Variants in RHOBTB1 observed in about 807,000 individuals in gnomAD.
RHOBTB1 encodes the protein Rho related BTB domain containing 1.
RHOBTB1 carries 40 observed loss-of-function variants against 71.6 expected under a neutral mutation model. The observed-to-expected ratio is 0.56, with a 90% CI of 0.43 to 0.73. RHOBTB1 has a LOEUF of 0.73. Ranked by LOEUF, RHOBTB1 falls within the 30% of genes least tolerant of loss-of-function variation. The pLI is 0.00. For missense variants in RHOBTB1, 797 were observed against 894.0 expected (o/e 0.89, Z 1.38); for synonymous variants, 319 against 334.9 (o/e 0.95, Z 0.52).
intron 7 of RHOBTB1, among the ~76,000 whole-genome samples, chr10:60,881,732 TCTAA>T (rs1317595362): frequency 1.3e-5 from 2 of 152,210 alleles, no homozygotes; most frequent in East Asian, 3.8e-4. Context: ...AAGAGTGTGT[TCTAA>T]GTCATTGCTT....
chr10:60,865,470 G>A (rs998466042), downstream of RHOBTB1, among the ~76,000 whole-genome samples: 1 of 152,152 alleles, frequency 6.6e-6, no homozygotes, highest in Non-Finnish European at 1.5e-5. Context: ...AGAAAAACAG[G>A]CATCTTAGTA....
chr10:60,956,266 C>T (rs1371717716), intron 2 of RHOBTB1, among the ~76,000 whole-genome samples: 1 of 151,964 alleles, frequency 6.6e-6, no homozygotes, highest in African/African-American at 2.4e-5. Context: ...GAATAAAAGA[C>T]TAAAAAAATG....
chr10:60,935,532 G>C (rs1385364066), intron 2 of RHOBTB1, among the ~76,000 whole-genome samples: 1 of 152,016 alleles, frequency 6.6e-6, no homozygotes, highest in East Asian at 1.9e-4. Flanking sequence ...CTAAAACTGT[G>C]GGCTCTAAGT....
chr10:60,988,478 C>G (rs1312806923), intron 1 of RHOBTB1, among the ~76,000 whole-genome samples: 1 of 151,604 alleles, frequency 6.6e-6, no homozygotes, highest in Non-Finnish European at 1.5e-5. Context: ...TCTAGTAGTC[C>G]CCAGTGTCTG....
intron 7 of RHOBTB1, among the ~76,000 whole-genome samples, chr10:60,879,894 A>C (rs2081236365): frequency 6.6e-6 from 1 of 152,150 alleles, no homozygotes; most frequent in African/African-American, 2.4e-5. Flanking sequence ...ACTGTAGATC[A>C]AAAATATTTG....
At chr10:60,980,754 T>C (rs1359143781) in intron 2 of RHOBTB1, among the ~76,000 whole-genome samples, 1 of 152,206 alleles carries the variant, frequency 6.6e-6, no homozygotes, top group East Asian at 1.9e-4. Context: ...TTCTACTCAA[T>C]CTTTCTGGCA....
downstream of RHOBTB1, among the ~76,000 whole-genome samples, chr10:60,864,827 A>T (rs1021251783): frequency 6.6e-6 from 1 of 152,048 alleles, no homozygotes; most frequent in Non-Finnish European, 1.5e-5. Context: ...CATAGCTAGG[A>T]TTACATGTGC....
At chr10:60,928,971 T>C (rs1589337096) in intron 2 of RHOBTB1, among the ~76,000 whole-genome samples, 1 of 152,132 alleles carries the variant, frequency 6.6e-6, no homozygotes, top group African/African-American at 2.4e-5. Flanking sequence ...CTTAAAATCA[T>C]GGTGGAGGGT....
Position 60,928,598 on chromosome 10 carries a change from A to G in RHOBTB1, c.-11+13206T>C, listed in dbSNP as rs533480909. Among the ~76,000 whole-genome samples the G allele has an allele frequency of 2.0e-5, 3 of 152,184 alleles. No homozygotes were observed. In the East Asian group the frequency reaches 5.8e-4, roughly 29 times the overall value. On this transcript the variant is annotated intron_variant, in intron 2 of 10. Coordinates refer to ENST00000337910, the MANE Select transcript of RHOBTB1 (RefSeq NM_014836.5). ...TGAGCTCATGGAAGTAGAGAATATA[A>G]TAGAATGGTGGTTAGCAGAGGCTGG...
At chr10:60,926,039 G>A (rs949887211) in intron 2 of RHOBTB1, among the ~76,000 whole-genome samples, 8 of 151,902 alleles carry the variant, frequency 5.3e-5, no homozygotes, top group African/African-American at 1.5e-4. Context: ...AAGACCAGCC[G>A]GACCAACATG....
rs1363219044 is a variant in RHOBTB1 at position 60,973,454 on chromosome 10, GT to G, written c.-62+12390del. Among the ~76,000 whole-genome samples the G allele has an allele frequency of 7.9e-5, 12 of 151,990 alleles. No homozygotes were observed. The South Asian group carries it at 2.3e-3, about 29-fold the overall frequency. ...AGCCTTCTTAACAGCCTTCTTTTTT[GT>G]TGTTGTTTTTAATTAGCACTTCATT... On this transcript the variant is annotated intron_variant, in intron 2 of 11. Transcript: ENST00000357917.
At chr10:60,929,087 G>A (rs571469872) in intron 2 of RHOBTB1, among the ~76,000 whole-genome samples, 2 of 152,112 alleles carry the variant, frequency 1.3e-5, no homozygotes, top group Non-Finnish European at 2.9e-5. Flanking sequence ...TCCAATATGA[G>A]AATAGCAAGG....
At chr10:60,866,234 G>A (rs1430396597), downstream of RHOBTB1, among the ~76,000 whole-genome samples, 1 of 152,210 alleles carries the variant, frequency 6.6e-6, no homozygotes, top group African/African-American at 2.4e-5. Flanking sequence ...GTGGAATGGA[G>A]GAACCACAAG....
At chr10:60,958,073 C>T (rs1022046119) in intron 2 of RHOBTB1, among the ~76,000 whole-genome samples, 1 of 152,070 alleles carries the variant, frequency 6.6e-6, no homozygotes, top group East Asian at 1.9e-4. Flanking sequence ...ATTGGGTCCT[C>T]GGGACATGTG....
the RHOBTB1 span, among the ~76,000 whole-genome samples, chr10:60,863,401 G>A: frequency 1.3e-5 from 2 of 151,638 alleles, no homozygotes; most frequent in Non-Finnish European, 1.5e-5. Flanking sequence ...TTTTTCATCC[G>A]TATTTATTTT....
chr10:60,881,796 G>C (rs781156694), intron 7 of RHOBTB1, among the ~76,000 whole-genome samples: 1 of 152,044 alleles, frequency 6.6e-6, no homozygotes, highest in Non-Finnish European at 1.5e-5. Context: ...AACTATTTCC[G>C]GCTGCAGCAG....
intron 2 of RHOBTB1, among the ~76,000 whole-genome samples, chr10:60,949,854 T>C (rs1387698419): frequency 3.9e-5 from 6 of 152,172 alleles, no homozygotes; most frequent in Admixed American, 3.9e-4. Flanking sequence ...CATTGCAGTT[T>C]CTATTTTACT....
chr10:60,861,134 A>G, the RHOBTB1 span, among the ~76,000 whole-genome samples: 1 of 152,134 alleles, frequency 6.6e-6, no homozygotes, highest in African/African-American at 2.4e-5. Context: ...AACTGACGGA[A>G]CCGGTTACCT....
At chr10:60,959,059 T>C (rs920051811) in intron 2 of RHOBTB1, among the ~76,000 whole-genome samples, 3 of 152,114 alleles carry the variant, frequency 2.0e-5, no homozygotes, top group Non-Finnish European at 2.9e-5. Context: ...AATGCAAAGT[T>C]GCCTCAACGT....
Sources: gnomAD v4.1 joint callset for allele counts (sites outside exome capture counted in the v4.1 genomes callset) on GRCh38, gnomAD v4.1.1 for gene constraint, MANE v1.5 for transcripts, NCBI Gene and HGNC (gene_info 2026-07-23, HGNC 2026-07-21) for gene names.